NAV2: variants seen among roughly 807,000 people sequenced by gnomAD.
NAV2 encodes the protein helicase, APC down-regulated 1.
Under a neutral mutation model 223.2 loss-of-function variants are expected in NAV2, and 54 were observed. The ratio of observed to expected loss-of-function variants is 0.24; its 90% CI spans 0.19 to 0.30. The LOEUF is 0.30. NAV2 is among the 10% of genes least tolerant of loss of function. NAV2 has a pLI of 1.00. For synonymous variants in NAV2, 1,279 were observed against 1,239.3 expected, an observed-to-expected ratio of 1.03 and a Z score of -0.67; for missense variants, 2,806 against 3,147.5, an observed-to-expected ratio of 0.89 and a Z score of 2.60.
chr11:19,627,007 T>A (rs1362897080), intron 1 of NAV2, among the ~76,000 whole-genome samples: 1 of 152,202 alleles, frequency 6.6e-6, no homozygotes, highest in Admixed American at 6.5e-5. Context: ...GGGCATATGA[T>A]CTGGCACATA....
intron 11 of NAV2, among the ~76,000 whole-genome samples, chr11:20,030,319 C>T (rs779972862): frequency 3.9e-5 from 6 of 152,208 alleles, no homozygotes; most frequent in Non-Finnish European, 5.9e-5. Flanking sequence ...AAGATGAAAC[C>T]TGCTTTAATA....
chr11:19,406,998 T>C (rs1035338058), intron 1 of NAV2, among the ~76,000 whole-genome samples: 1 of 152,196 alleles, frequency 6.6e-6, no homozygotes, highest in African/African-American at 2.4e-5. Context: ...TTTAACTTTG[T>C]TAACTCATTT....
intron 25 of NAV2, among the ~76,000 whole-genome samples, chr11:20,081,204 G>A (rs2060070841): frequency 6.6e-6 from 1 of 152,174 alleles, no homozygotes; most frequent in African/African-American, 2.4e-5. Context: ...CCAGTCTAGT[G>A]TGACCCTCTC....
chr11:19,722,834 G>A (rs533026139), intron 1 of NAV2, among the ~76,000 whole-genome samples: 1 of 152,272 alleles, frequency 6.6e-6, no homozygotes, highest in South Asian at 2.1e-4. Flanking sequence ...ACACAGAGTG[G>A]GCAACCTGAA....
At chr11:20,048,233 T>A (rs2057650387) in intron 14 of NAV2, among the ~76,000 whole-genome samples, 2 of 152,194 alleles carry the variant, frequency 1.3e-5, no homozygotes, top group Admixed American at 6.5e-5. Context: ...CCCCTCCAGA[T>A]CTAAATTCAT....
chr11:20,010,014 AT>A (rs758581696), intron 11 of NAV2, among the ~76,000 whole-genome samples: 107 of 152,262 alleles, frequency 7.0e-4, no homozygotes, highest in East Asian at 5.8e-4. Flanking sequence ...TACTCTAAGC[AT>A]CTTGAGGGCA....
chr11:19,864,938 G>A lies in NAV2; in HGVS notation c.439-3987G>A, dbSNP rs551931791. 1.2e-4 allele frequency among the ~76,000 whole-genome samples: 19 copies of A among 152,208 alleles called. 1 individual carries two copies. In the East Asian group the frequency reaches 2.9e-3, roughly 23 times the overall value. On this transcript the variant is annotated intron_variant, in intron 3 of 37. Transcript: ENST00000349880. ...TTCCCCCTCTACCCCAGCTAATGCT[G>A]CAAATTCCAGGAACTCAGTCCCAGA...
At chr11:20,116,310 C>G (rs1021516376) in intron 37 of NAV2, among the ~76,000 whole-genome samples, 5 of 152,110 alleles carry the variant, frequency 3.3e-5, no homozygotes, top group Admixed American at 6.5e-5. Context: ...GTCTGCCATC[C>G]TACTGTTTGG....
At chr11:19,996,126 T>G (rs1281786189) in intron 11 of NAV2, among the ~76,000 whole-genome samples, 1 of 152,210 alleles carries the variant, frequency 6.6e-6, no homozygotes, top group Non-Finnish European at 1.5e-5. Flanking sequence ...AGGTGACATT[T>G]CTTCCCCAAA....
At chr11:19,799,280 A>G (rs971744615) in intron 1 of NAV2, among the ~76,000 whole-genome samples, 15 of 152,342 alleles carry the variant, frequency 9.8e-5, no homozygotes, top group African/African-American at 3.1e-4. Context: ...CTGCCAGCAT[A>G]GAACATTTTC....
chr11:20,013,794 G>A (rs1246806288), intron 11 of NAV2, among the ~76,000 whole-genome samples: 1 of 152,186 alleles, frequency 6.6e-6, no homozygotes, highest in African/African-American at 2.4e-5. Context: ...CTTTTGAGAA[G>A]GAATTCAGTG....
chr11:19,712,826 G>C (rs908575039), upstream of NAV2, among the ~76,000 whole-genome samples: 1 of 151,422 alleles, frequency 6.6e-6, no homozygotes, highest in African/African-American at 2.4e-5. Flanking sequence ...CAGCAGCGCC[G>C]GCAGCAGCCT....
intron 1 of NAV2, among the ~76,000 whole-genome samples, chr11:19,378,105 G>C (rs1192301105): frequency 6.6e-6 from 1 of 152,184 alleles, no homozygotes; most frequent in Non-Finnish European, 1.5e-5. Context: ...TTCTCAGAGC[G>C]TATGTATGAG....
At chr11:19,563,472 G>A (rs975862209) in intron 1 of NAV2, among the ~76,000 whole-genome samples, 1 of 152,106 alleles carries the variant, frequency 6.6e-6, no homozygotes, top group Non-Finnish European at 1.5e-5. Context: ...TGTAACAACT[G>A]TAAAGTAAAA....
intron 1 of NAV2, among the ~76,000 whole-genome samples, chr11:19,517,249 A>T (rs2043487497): frequency 6.6e-6 from 1 of 152,112 alleles, no homozygotes; most frequent in Non-Finnish European, 1.5e-5. Flanking sequence ...GAAAGCCTGG[A>T]GGTTCTGCAT....
At chr11:19,706,653 A>C (rs935738089) in intron 1 of NAV2, among the ~76,000 whole-genome samples, 1 of 152,222 alleles carries the variant, frequency 6.6e-6, no homozygotes, top group Non-Finnish European at 1.5e-5. Context: ...GAGAGCAATA[A>C]CTTATTCTTA....
chr11:19,941,913 A>G (rs943204741), intron 8 of NAV2, among the ~76,000 whole-genome samples: 1 of 152,190 alleles, frequency 6.6e-6, no homozygotes, highest in African/African-American at 2.4e-5. Flanking sequence ...GTTGTAACAT[A>G]TCCCTTAAGG....
chr11:20,106,181 G>GTGTGTGTGTGTGTGTGTGTA (rs2062048519), intron 35 of NAV2, among the ~76,000 whole-genome samples: 1 of 14,898 alleles, frequency 6.7e-5, no homozygotes, highest in Admixed American at 5.1e-4. Flanking sequence ...ATATATGTGT[G>GTGTGTGTGTGTGTGTGTGTA]TGTATATATA....
intron 1 of NAV2, among the ~76,000 whole-genome samples, chr11:19,663,649 C>T (rs1341144474): frequency 6.6e-6 from 1 of 152,150 alleles, no homozygotes; most frequent in Admixed American, 6.5e-5. Context: ...TATCCTCCTT[C>T]CTTCTTCATT....
Sources: allele counts gnomAD v4.1 joint callset (sites outside exome capture counted in the v4.1 genomes callset), GRCh38; gene constraint gnomAD v4.1.1; transcripts MANE v1.5; gene names NCBI Gene and HGNC (gene_info 2026-07-23, HGNC 2026-07-21).